The following WDR62 variants were observed in gnomAD, a reference collection of about 807,000 sequenced individuals.
The protein encoded by WDR62 is WD repeat-containing protein 62.
WDR62 carries 112 observed loss-of-function variants against 160.6 expected under a neutral mutation model. The ratio of observed to expected loss-of-function variants is 0.70; its 90% confidence interval spans 0.60 to 0.82. WDR62 has a LOEUF of 0.82. Ranked by LOEUF, WDR62 falls within the 40% of genes least tolerant of loss-of-function variation. The probability of loss-of-function intolerance (pLI) is 0.00; values close to 1 mark genes in which losing one functional copy is unlikely to be tolerated. For synonymous variants in WDR62, 792 were observed against 815.1 expected, an observed-to-expected ratio of 0.97 and a Z score of 0.48; for missense variants, 1,819 against 1,983.8, an observed-to-expected ratio of 0.92 and a Z score of 1.58.
At chr19:36,077,317 G>A (rs1397311679) in intron 9 of WDR62, among the ~76,000 whole-genome samples, 6 of 115,286 alleles carry the variant, frequency 5.2e-5, no homozygotes, top group South Asian at 5.8e-4. Context: ...TCACTCTGTC[G>A]CCCAGGCTGG....
chr19:36,066,045 C>T (rs371752209), intron 4 of WDR62, 30 bp downstream of exon 4: 13 of 1,612,248 alleles, frequency 8.1e-6, no homozygotes, highest in East Asian at 4.5e-5. Context: ...GAGTGGGAGT[C>T]GGGGGCTGGG....
rs1973456628 is a variant in WDR62, at chr19:36,102,846, A to T, written c.3330A>T (p.Ala1110=). 1 of 1,614,088 alleles carries T rather than the reference A, an allele frequency of 6.2e-7. No individual in the cohort carries two copies. The highest frequency in any genetic ancestry group is 1.3e-5 in the African/African-American group (1 of 74,936). ...STQFLSSLQK[A]SRFTHTFPPR... ...AGTTCCTCTCAAGCCTCCAGAAGGC[A>T]TCCAGGTAGAAGCTGGCCAAGCACT... The change falls in exon 27 of 32, where the codon GCA becomes GCT. Residue 1110 remains alanine (A), a synonymous_variant. Transcript: ENST00000401500.
chr19:36,054,920 T>A lies in WDR62; in HGVS notation c.-52T>A. The A allele has an allele frequency of 6.5e-7, 1 of 1,546,132 alleles. No individual in the cohort carries two copies. Among genetic ancestry groups the A allele is most frequent in the South Asian group, 1.2e-5 (1 of 84,878 alleles). ...TCGCTGTTCCAGTGGGTCGTGGCGG[T>A]GGCGGCAGCGGCGGTTAGGGGATGT... On this transcript the variant is annotated 5_prime_UTR_variant, in exon 1 of 32. Transcript: ENST00000401500.
rs139452736 is a variant in WDR62 at position 36,072,158 on chromosome 19, A to G, written c.1043+442A>G. Among the ~76,000 whole-genome samples, 230 of 152,324 alleles carry G rather than the reference A, an allele frequency of 1.5e-3. 2 individuals carry two copies. The Middle Eastern group carries it at 0.034, about 23-fold the overall frequency. ...GGCTCGATGATAAGCAAGTACACGA[A>G]AAAGATAATTTCAATAGGCATGAGT... On this transcript the variant is annotated intron_variant, in intron 8 of 31. Transcript: ENST00000401500.
chr19:36,068,514 G>A (rs1162698022), intron 7 of WDR62, among the ~76,000 whole-genome samples: 2 of 152,240 alleles, frequency 1.3e-5, no homozygotes, highest in African/African-American at 4.8e-5. Context: ...GGCTTCCGCA[G>A]TGTTTGTGTC....
chr19:36,083,035 G>C, intron 10 of WDR62, 28 bp from the exon 11 acceptor site: 1 of 1,602,830 alleles, frequency 6.2e-7, no homozygotes. Flanking sequence ...AGCTGCTCGT[G>C]CTGACCTCAG....
intron 7 of WDR62, among the ~76,000 whole-genome samples, chr19:36,068,545 G>A (rs1263301536): frequency 6.6e-6 from 1 of 152,178 alleles, no homozygotes; most frequent in Non-Finnish European, 1.5e-5. Context: ...TGAGATTAGG[G>A]AGTGGTGATG....
chr19:36,060,248 T>C, intron 3 of WDR62: 1 of 598,412 alleles, frequency 1.7e-6, no homozygotes. Context: ...CGAGACAGAC[T>C]GTAAACTAGT....
chr19:36,104,224 C>T (rs1028533777), intron 30 of WDR62, among the ~76,000 whole-genome samples: 2 of 152,238 alleles, frequency 1.3e-5, no homozygotes, highest in Non-Finnish European at 2.9e-5. Flanking sequence ...CAGACTAAAC[C>T]TTTAAGGAAC....
chr19:36,066,309 T>C lies in WDR62; in HGVS notation c.443T>C (p.Val148Ala). The change falls in exon 5 of 32, where the codon GTG (valine) becomes GCG (alanine). Residue 148 changes from valine to alanine, a missense_variant. Physicochemically the swap from Val to Ala is moderately conservative, Grantham distance 64. Transcript: ENST00000401500. Reference sequence around the variant, plus strand: ...TGGGATGTGGAGGAGAAGAATCAGGTGGCGGAGATGCTAGGCCACAAGTAT... The same window carrying C: ...TGGGATGTGGAGGAGAAGAATCAGGCGGCGGAGATGCTAGGCCACAAGTAT... Reference protein sequence around the residue: ...RIWDVEEKNQVAEMLGHKYGV... With the variant: ...RIWDVEEKNQAAEMLGHKYGV... 1 of 1,614,198 alleles carries C rather than the reference T, an allele frequency of 6.2e-7. No homozygotes were observed.
intron 21 of WDR62, among the ~76,000 whole-genome samples, chr19:36,098,505 C>G (rs1973112935): frequency 6.7e-6 from 1 of 148,704 alleles, no homozygotes; most frequent in African/African-American, 2.5e-5. Flanking sequence ...GCAGAGGTTA[C>G]AGTGAACCGA....
In WDR62 at chr19:36,084,872, G is replaced by A. The variant is rs368154139; in HGVS notation, c.1642+128G>A. Reference sequence around the variant, plus strand: ...AGCTGGGAGTTTTGTGTTCGGTAAGGGCCCCTGTAGCTGGACCCTGAGACC... The same window carrying A: ...AGCTGGGAGTTTTGTGTTCGGTAAGAGCCCCTGTAGCTGGACCCTGAGACC... On this transcript the variant is annotated intron_variant, in intron 12 of 31. Transcript: ENST00000401500. The A allele has an allele frequency of 2.7e-4, 227 of 853,656 alleles. 1 individual carries two copies. The highest frequency in any genetic ancestry group is 2.2e-3 in the African/African-American group (134 of 60,722). The allele number at this position is 853,656 out of a possible 1,614,324, so 52.9% of individuals were successfully genotyped here.
At position 36,066,288 on chromosome 19, in the gene WDR62, A is replaced by G. The variant is rs1970934970; in HGVS notation, c.422A>G (p.Asp141Gly). 1.2e-6 allele frequency: 2 copies of G among 1,614,066 alleles called. No individual in the cohort carries two copies. Among genetic ancestry groups the G allele is most frequent in the Non-Finnish European group, 1.7e-6 (2 of 1,180,030 alleles). ...CATAGGCCTGCTGTGCGCATCTGGG[A>G]TGTGGAGGAGAAGAATCAGGTGGCG... The part of the protein sequence containing the change: ...NGHRPAVRIW[D>G]VEEKNQVAEM... The change falls in exon 5 of 32, where the codon GAT becomes GGT. Residue 141 changes from aspartate to glycine, a missense_variant. Physicochemically the swap from Asp to Gly is moderately conservative, Grantham distance 94 (BLOSUM62 -1). Transcript: ENST00000401500.
chr19:36,070,043 G>A lies in WDR62; in HGVS notation c.883-1513G>A, dbSNP rs142523953. Among the ~76,000 whole-genome samples, 65 of 147,150 alleles carry A rather than the reference G, an allele frequency of 4.4e-4. 2 individuals carry two copies. The East Asian group carries it at 9.3e-3, about 21-fold the overall frequency. On this transcript the variant is annotated intron_variant, in intron 7 of 31. Transcript: ENST00000401500. The stretch of plus-strand genomic sequence containing the variant: ...AGGGAGAGGGAGACCGTGGGGAGAA[G>A]GAGAGGGAGAGGAGGATTGCATTTT...
In WDR62 at chr19:36,103,796, C is replaced by T; in HGVS notation, c.3968C>T (p.Ala1323Val). Residue 1323 changes from alanine (A) to valine (V), a missense_variant, in exon 30 of 32, where the codon GCA (alanine) becomes GTA (valine). By Grantham distance (64) the Ala-to-Val change is moderately conservative. Around this residue, in one of 3 missense-constraint regions of WDR62, gnomAD observed 770 missense variants for 734.2 expected, o/e 1.05. Transcript: ENST00000401500. ...ACCCAGCCTGGCGTCACCGTCCCTGCAGTGAGCTTCCCAGCCCCTAGCCCT... is the reference window on the plus strand; with the variant it reads ...ACCCAGCCTGGCGTCACCGTCCCTGTAGTGAGCTTCCCAGCCCCTAGCCCT... ...VDTQPGVTVPAVSFPAPSPVE... is the reference protein window; with the variant it reads ...VDTQPGVTVPVVSFPAPSPVE... The T allele has an allele frequency of 6.2e-7, 1 of 1,609,330 alleles. No homozygotes were observed.
intron 10 of WDR62, among the ~76,000 whole-genome samples, chr19:36,082,276 G>A (rs1971943533): frequency 6.6e-6 from 1 of 152,354 alleles, no homozygotes; most frequent in South Asian, 2.1e-4. Context: ...CAGGGTGCTA[G>A]TAGGACATAG....
chr19:36,102,658 C>T (rs935377917), intron 26 of WDR62, 79 bp from the exon 27 acceptor site: 24 of 1,315,584 alleles, frequency 1.8e-5, no homozygotes, highest in Middle Eastern at 1.8e-4. Context: ...GGGAGTGCCC[C>T]GCTGGGCTGT....
chr19:36,071,834 C>T (rs1971317696), intron 8 of WDR62, 118 bp downstream of exon 8: 1 of 1,338,650 alleles, frequency 7.5e-7, no homozygotes, highest in Non-Finnish European at 1.0e-6. Flanking sequence ...CCCATCATGA[C>T]TCTCAGCCCT....
At position 36,099,641 on chromosome 19, in the gene WDR62, G is replaced by A. The variant is rs779824618; in HGVS notation, c.2739+24G>A. 59 of 1,612,152 alleles carry A rather than the reference G, an allele frequency of 3.7e-5. 1 individual carries two copies. The Admixed American group carries it at 3.7e-4, about 10-fold the overall frequency. The stretch of plus-strand genomic sequence containing the variant: ...AGGTACACACTTCCACCGCAGCCTG[G>A]CCCATAGCCCCGGCACCGTGACGGC... On this transcript the variant is annotated intron_variant, in intron 22 of 31. Transcript: ENST00000401500.
Sources: gnomAD v4.1 joint callset for allele counts (sites outside exome capture counted in the v4.1 genomes callset) on GRCh38, gnomAD v4.1.1 for gene constraint, gnomAD v4.1.1 regional missense constraint, MANE v1.5 for transcripts, NCBI Gene and HGNC (gene_info 2026-07-23, HGNC 2026-07-21) for gene names.